POT1: variants seen among roughly 807,000 people sequenced by gnomAD.
POT1 encodes the protein protection of telomeres 1.
POT1 carries 47 observed loss-of-function variants against 78.5 expected under a neutral mutation model. That is an observed-to-expected ratio of 0.60 (90% CI 0.47 to 0.76). The LOEUF is 0.76. POT1 is among the 30% of genes least tolerant of loss of function. The pLI is 0.00. For missense variants in POT1, 646 were observed against 749.9 expected (o/e 0.86, Z 1.62); for synonymous variants, 259 against 260.7 (o/e 0.99, Z 0.06).
intron 6 of POT1, among the ~76,000 whole-genome samples, chr7:124,886,651 A>C (rs1429320000): frequency 6.6e-6 from 1 of 152,150 alleles, no homozygotes; most frequent in Non-Finnish European, 1.5e-5. Context: ...TGGTAATAAA[A>C]GATGGCTCAT....
intron 15 of POT1, among the ~76,000 whole-genome samples, chr7:124,831,163 G>A (rs1337770901): frequency 6.6e-6 from 1 of 152,142 alleles, no homozygotes; most frequent in Non-Finnish European, 1.5e-5. Flanking sequence ...GTATCAGACA[G>A]AAATAGACTA....
chr7:124,856,554 A>T (rs747984947), intron 9 of POT1, among the ~76,000 whole-genome samples: 1 of 152,238 alleles, frequency 6.6e-6, no homozygotes, highest in Non-Finnish European at 1.5e-5. Flanking sequence ...TCACTGATTC[A>T]TTCATTCAGC....
At chr7:124,862,908 C>A (rs1257983045) in intron 8 of POT1, among the ~76,000 whole-genome samples, 3 of 152,132 alleles carry the variant, frequency 2.0e-5, no homozygotes, top group African/African-American at 4.8e-5. Context: ...TGCTTCAAAA[C>A]TGTCCATGGT....
At chr7:124,908,490 C>T (rs928858957) in intron 3 of POT1, among the ~76,000 whole-genome samples, 2 of 151,988 alleles carry the variant, frequency 1.3e-5, no homozygotes, top group African/African-American at 4.8e-5. Flanking sequence ...TCTCAAAATT[C>T]ATTAAATATT....
intron 14 of POT1, among the ~76,000 whole-genome samples, chr7:124,836,414 C>T (rs1462820560): frequency 6.6e-6 from 1 of 152,128 alleles, no homozygotes; most frequent in African/African-American, 2.4e-5. Flanking sequence ...ATTATGCATG[C>T]TTAAAAACTC....
intron 5 of POT1, among the ~76,000 whole-genome samples, chr7:124,896,347 T>C (rs1796490588): frequency 6.6e-6 from 1 of 151,752 alleles, no homozygotes; most frequent in Non-Finnish European, 1.5e-5. Context: ...TATTTTAAAT[T>C]AAACAATTTA....
chr7:124,857,623 C>A (rs1039956682), intron 9 of POT1, among the ~76,000 whole-genome samples: 1 of 152,138 alleles, frequency 6.6e-6, no homozygotes, highest in East Asian at 1.9e-4. Context: ...GATGGTGTAA[C>A]CTGGGAGAAG....
At chr7:124,868,121 TG>T (rs1308223360) in intron 7 of POT1, among the ~76,000 whole-genome samples, 1 of 152,194 alleles carries the variant, frequency 6.6e-6, no homozygotes, top group Non-Finnish European at 1.5e-5. Flanking sequence ...CTATGAACTA[TG>T]ATCTTCAAAT....
At position 124,877,429 on chromosome 7, in the gene POT1, G is replaced by A. The variant is rs370102500; in HGVS notation, c.125-6388C>T. Among the ~76,000 whole-genome samples, 17 of 152,110 alleles carry A rather than the reference G, an allele frequency of 1.1e-4. No homozygotes were observed. The East Asian group carries it at 2.9e-3, about 26-fold the overall frequency. On this transcript the variant is annotated intron_variant, in intron 6 of 18. Coordinates refer to ENST00000357628, the MANE Select transcript of POT1 (RefSeq NM_015450.3). Reference sequence around the variant, plus strand: ...CATAAAACAGAAAAAAGCAGAGTACGGACAATAGTAATGGATCTCCCAGAT... The same window carrying A: ...CATAAAACAGAAAAAAGCAGAGTACAGACAATAGTAATGGATCTCCCAGAT...
chr7:124,856,924 C>T (rs1436317956), intron 9 of POT1, among the ~76,000 whole-genome samples: 1 of 152,106 alleles, frequency 6.6e-6, no homozygotes, highest in Non-Finnish European at 1.5e-5. Flanking sequence ...TCTGATATGT[C>T]ACAGATGTAT....
chr7:124,888,850 C>G (rs1161874241), intron 6 of POT1, among the ~76,000 whole-genome samples: 1 of 151,442 alleles, frequency 6.6e-6, no homozygotes, highest in Non-Finnish European at 1.5e-5. Flanking sequence ...TGTACTTAAC[C>G]AATAAATATG....
chr7:124,822,987 G>A lies in POT1; in HGVS notation c.*975C>T, dbSNP rs1794541743. On this transcript the variant is annotated 3_prime_UTR_variant, in exon 19 of 19. Transcript: ENST00000357628. The stretch of plus-strand genomic sequence containing the variant: ...TTCCAGAATCCTTGAGTGGTTAACA[G>A]TACAGGCTCTGAATAGAGATTATGT... The A allele has an allele frequency of 1.3e-5, 2 of 159,718 alleles. No individual in the cohort carries two copies. The highest frequency in any genetic ancestry group is 1.8e-4 in the South Asian group (1 of 5,542). 9.9% of individuals were successfully genotyped at this position (159,718 alleles called of 1,614,324 possible). A position where few individuals can be genotyped will look rare whatever the true frequency, so the allele number is the denominator to read the frequency against.
intron 14 of POT1, among the ~76,000 whole-genome samples, chr7:124,840,021 T>C (rs6952721): frequency 0.28 from 41,652 of 150,868 alleles, 5,861 homozygotes; most frequent in East Asian, 0.3. Context: ...TAAGGAGCAG[T>C]TTTAGGTTCA....
intron 15 of POT1, among the ~76,000 whole-genome samples, chr7:124,832,116 A>C (rs1287533841): frequency 6.6e-6 from 1 of 151,388 alleles, no homozygotes; most frequent in Non-Finnish European, 1.5e-5. Context: ...AAAATTAGCC[A>C]GGTGTGGTGG....
chr7:124,909,087 T>C (rs1002908385), intron 3 of POT1, among the ~76,000 whole-genome samples: 2 of 151,890 alleles, frequency 1.3e-5, no homozygotes, highest in African/African-American at 4.8e-5. Flanking sequence ...CTAACAGGGA[T>C]ACAGGGAGAA....
intron 15 of POT1, among the ~76,000 whole-genome samples, chr7:124,829,704 A>G (rs903896623): frequency 6.9e-6 from 1 of 144,420 alleles, no homozygotes; most frequent in Admixed American, 6.8e-5. Context: ...TCTATGATCT[A>G]TATCTATATC....
intron 3 of POT1, among the ~76,000 whole-genome samples, chr7:124,906,255 A>G (rs1796762608): frequency 6.6e-6 from 1 of 152,114 alleles, no homozygotes; most frequent in Admixed American, 6.5e-5. Flanking sequence ...TCCAACAATG[A>G]TAGACTGGAT....
chr7:124,883,533 A>G (rs116188371), intron 6 of POT1, among the ~76,000 whole-genome samples: 240 of 152,218 alleles, frequency 1.6e-3, no homozygotes, highest in African/African-American at 3.9e-3. Flanking sequence ...ACAAAACTAT[A>G]TATTTATTTA....
chr7:124,866,733 T>C (rs1186650715), intron 7 of POT1, among the ~76,000 whole-genome samples: 1 of 152,206 alleles, frequency 6.6e-6, no homozygotes, highest in African/African-American at 2.4e-5. Context: ...GCTCACTTTA[T>C]AAGTTTCTCT....
Sources: allele counts gnomAD v4.1 joint callset (sites outside exome capture counted in the v4.1 genomes callset), GRCh38; gene constraint gnomAD v4.1.1; transcripts MANE v1.5; gene names NCBI Gene and HGNC (gene_info 2026-07-23, HGNC 2026-07-21).